RGS7: variants seen among roughly 807,000 people sequenced by gnomAD.
RGS7 encodes the protein regulator of G-protein signaling 7.
RGS7 carries 27 observed loss-of-function variants against 81.1 expected under a neutral mutation model. The ratio of observed to expected loss-of-function variants is 0.33; its 90% confidence interval spans 0.25 to 0.46. The LOEUF is 0.46. Ranked by LOEUF, RGS7 falls within the 20% of genes least tolerant of loss-of-function variation. The probability of loss-of-function intolerance (pLI) is 1.00; values close to 1 mark genes in which losing one functional copy is unlikely to be tolerated. For missense variants in RGS7, 396 were observed against 607.4 expected, an observed-to-expected ratio of 0.65 and a Z score of 3.66; for synonymous variants, 208 against 207.7, an observed-to-expected ratio of 1.00 and a Z score of -0.01.
chr1:241,067,960 T>C (rs1413911088), intron 3 of RGS7, among the ~76,000 whole-genome samples: 1 of 151,636 alleles, frequency 6.6e-6, no homozygotes, highest in Non-Finnish European at 1.5e-5. Context: ...CCCATCTGAA[T>C]GTAGACAGAG....
chr1:241,084,682 G>T (rs924983439), intron 3 of RGS7, among the ~76,000 whole-genome samples: 2 of 152,172 alleles, frequency 1.3e-5, no homozygotes, highest in Non-Finnish European at 2.9e-5. Flanking sequence ...CATGTTAAAA[G>T]TAACCAAATC....
chr1:241,099,727 C>T (rs1478753704), intron 2 of RGS7, among the ~76,000 whole-genome samples: 2 of 152,194 alleles, frequency 1.3e-5, no homozygotes, highest in African/African-American at 2.4e-5. Context: ...AAAATCCATT[C>T]ATCCATTTAC....
At chr1:241,222,322 T>C (rs1052641748) in intron 2 of RGS7, among the ~76,000 whole-genome samples, 5 of 152,230 alleles carry the variant, frequency 3.3e-5, no homozygotes, top group African/African-American at 9.6e-5. Flanking sequence ...AAAGTACTCA[T>C]ACTTGGTCTT....
At chr1:241,301,392 A>G (rs2079748632) in intron 2 of RGS7, among the ~76,000 whole-genome samples, 1 of 152,258 alleles carries the variant, frequency 6.6e-6, no homozygotes, top group Admixed American at 6.5e-5. Context: ...GGGTTCAAAT[A>G]GAATCATCAG....
chr1:241,329,530 CAA>C (rs1356175759), intron 2 of RGS7, among the ~76,000 whole-genome samples: 3 of 152,138 alleles, frequency 2.0e-5, no homozygotes, highest in African/African-American at 7.2e-5. Flanking sequence ...TTACCCTACA[CAA>C]AAGAGTTCTT....
intron 2 of RGS7, among the ~76,000 whole-genome samples, chr1:241,306,444 C>A (rs2080144813): frequency 6.7e-6 from 1 of 149,782 alleles, no homozygotes; most frequent in Non-Finnish European, 1.5e-5. Flanking sequence ...ACACACACCC[C>A]CACACAGGCA....
intron 6 of RGS7, among the ~76,000 whole-genome samples, chr1:240,909,069 G>A (rs968870007): frequency 2.6e-5 from 4 of 152,200 alleles, no homozygotes; most frequent in Non-Finnish European, 5.9e-5. Flanking sequence ...GAATGCACAC[G>A]TCCTTGGATA....
chr1:241,035,295 T>C (rs2060268227), intron 3 of RGS7, among the ~76,000 whole-genome samples: 1 of 152,166 alleles, frequency 6.6e-6, no homozygotes, highest in African/African-American at 2.4e-5. Context: ...GCCAGATAGT[T>C]TGTTAAAATA....
At chr1:240,959,346 A>G (rs1408969483) in intron 4 of RGS7, among the ~76,000 whole-genome samples, 1 of 152,154 alleles carries the variant, frequency 6.6e-6, no homozygotes, top group South Asian at 2.1e-4. Context: ...ACAAACCTAG[A>G]TGGCACAGCC....
Position 240,868,811 on chromosome 1 carries a change from C to T in RGS7, c.492G>A (p.Trp164Ter). 6.2e-7 allele frequency: 1 copy of T among 1,613,968 alleles called. No individual in the cohort carries two copies. Residue 164 changes from tryptophan to a stop codon, truncating the protein, a stop_gained, in exon 8 of 19, where the codon TGG becomes TGA. Coordinates refer to ENST00000440928, the MANE Select transcript of RGS7 (RefSeq NM_001364886.1). LOFTEE classifies it high-confidence loss of function. This position sits in a 1 kb window ranked among gnomAD's most constrained non-coding sequence, Gnocchi z 5.1. ...CTTCTGCTTGCATGAAAATGAACTC[C>T]CACTTCCGGGCAAATGCTCTCTGCA... ...ARLQRAFARK[W>*]EFIFMQAEAQ... is the part of the protein sequence containing the mutation.
In RGS7 at chr1:240,784,625, A is replaced by G. The variant is rs556264962; in HGVS notation, c.*7-8412T>C. 7.5e-3 allele frequency among the ~76,000 whole-genome samples: 1,140 copies of G among 151,820 alleles called. 9 individuals carry two copies. Among genetic ancestry groups the G allele is most frequent in the African/African-American group, 0.025 (1,031 of 41,346 alleles). On this transcript the variant is annotated intron_variant, in intron 18 of 18. Transcript: ENST00000440928. ...TGCTCCACTGCGCTCCAGCCTGGGCAACAGAATAAGACTCCGCCTCAAAAA... is the reference window on the plus strand; with the variant it reads ...TGCTCCACTGCGCTCCAGCCTGGGCGACAGAATAAGACTCCGCCTCAAAAA...
At chr1:240,883,237 G>A (rs1232394105) in intron 6 of RGS7, among the ~76,000 whole-genome samples, 2 of 151,926 alleles carry the variant, frequency 1.3e-5, no homozygotes, top group Non-Finnish European at 2.9e-5. Context: ...GCTAAATGAC[G>A]AGTTAATGGG....
Position 241,131,229 on chromosome 1 carries a change from A to G in RGS7, c.79-32467T>C, listed in dbSNP as rs181727238. Among the ~76,000 whole-genome samples the G allele has an allele frequency of 5.5e-3, 833 of 152,198 alleles. 10 individuals are homozygous for G. Among genetic ancestry groups the G allele is most frequent in the African/African-American group, 0.019 (789 of 41,518 alleles). ...AAACTAAACACCCATAGCACATAGG[A>G]AAAAAAAGCCAAATGACAATTTAGA... On this transcript the variant is annotated intron_variant, in intron 2 of 18. Transcript: ENST00000440928.
chr1:240,853,950 T>C (rs903457583), intron 9 of RGS7, among the ~76,000 whole-genome samples: 1 of 97,634 alleles, frequency 1.0e-5, no homozygotes, highest in East Asian at 2.9e-4. Flanking sequence ...ATTTTAGAAA[T>C]GGCAAATATA....
At chr1:240,791,226 G>C (rs1008083278) in intron 18 of RGS7, among the ~76,000 whole-genome samples, 1 of 152,144 alleles carries the variant, frequency 6.6e-6, no homozygotes, top group African/African-American at 2.4e-5. Flanking sequence ...ACAGGAATAA[G>C]TGGTGTATTT....
intron 2 of RGS7, among the ~76,000 whole-genome samples, chr1:241,103,010 C>CA (rs59775668): frequency 0.16 from 20,642 of 126,932 alleles, 1,676 homozygotes; most frequent in African/African-American, 0.2. Context: ...TACAAGCAAG[C>CA]AAAAAAAAAA....
At chr1:241,109,231 A>G (rs1274950155) in intron 2 of RGS7, among the ~76,000 whole-genome samples, 1 of 152,016 alleles carries the variant, frequency 6.6e-6, no homozygotes, top group African/African-American at 2.4e-5. Flanking sequence ...ACCTTCTCAC[A>G]TACACTTCCT....
At chr1:240,863,247 G>T (rs1662577007) in intron 9 of RGS7, among the ~76,000 whole-genome samples, 2 of 152,162 alleles carry the variant, frequency 1.3e-5, no homozygotes, top group African/African-American at 4.8e-5. Context: ...GCTGAGGCGG[G>T]AGGATCACTT....
intron 3 of RGS7, among the ~76,000 whole-genome samples, chr1:241,060,188 G>C (rs1015748873): frequency 6.6e-6 from 1 of 152,094 alleles, no homozygotes; most frequent in African/African-American, 2.4e-5. Context: ...GGAAAAAAAA[G>C]GCTGATAGAG....
Sources: allele counts gnomAD v4.1 joint callset (sites outside exome capture counted in the v4.1 genomes callset), GRCh38; gene constraint gnomAD v4.1.1; non-coding constraint Gnocchi (gnomAD v3.1); transcripts MANE v1.5; gene names NCBI Gene and HGNC (gene_info 2026-07-23, HGNC 2026-07-21).